Variants in CNGB1 observed in about 807,000 individuals in gnomAD.
CNGB1 encodes cyclic nucleotide-gated channel beta-1.
In CNGB1, 126 loss-of-function variants were observed where a neutral mutation model predicts 151.7. That is an observed-to-expected ratio of 0.83 (90% CI 0.72 to 0.96). CNGB1 has a LOEUF of 0.96. Ranked by LOEUF, CNGB1 falls within the 40% of genes least tolerant of loss-of-function variation. CNGB1 has a pLI of 0.00. For missense variants in CNGB1, 1,698 were observed against 1,627.0 expected (o/e 1.04, Z -0.75); for synonymous variants, 623 against 635.1 (o/e 0.98, Z 0.29).
chr16:57,946,779 G>GCCTCACACCCTCTGGCCCTGGC (rs1961820988), intron 14 of CNGB1, among the ~76,000 whole-genome samples: 1 of 152,310 alleles, frequency 6.6e-6, no homozygotes, highest in African/African-American at 2.4e-5. Flanking sequence ...CTTGCCCTGG[G>GCCTCACACCCTCTGGCCCTGGC]CCTCACACCC....
Position 57,917,476 on chromosome 16 carries a change from T to A in CNGB1, c.1958A>T (p.Asn653Ile), listed in dbSNP as rs1307070723. 1 of 1,613,760 alleles carries A rather than the reference T, an allele frequency of 6.2e-7. No individual in the cohort carries two copies. The highest frequency in any genetic ancestry group is 1.3e-5 in the African/African-American group (1 of 74,852). The change falls in exon 21 of 33, where the codon AAC becomes ATC. Residue 653 changes from asparagine (N) to isoleucine (I), a missense_variant and splice_region_variant. Transcript: ENST00000251102. The stretch of plus-strand genomic sequence containing the variant: ...GAACAGCCATAGGACATACATCAGG[T>A]CTGTGGGGAAGGTTGACGGGGACGC... ...QFPQSIDPLT[N>I]LMYVLWLFFV... is the part of the protein sequence containing the mutation.
chr16:57,915,286 C>T lies in CNGB1; in HGVS notation c.2267G>A (p.Gly756Asp). The T allele has an allele frequency of 6.8e-6, 11 of 1,613,996 alleles. No homozygotes were observed. Among genetic ancestry groups the T allele is most frequent in the Non-Finnish European group, 9.3e-6 (11 of 1,179,938 alleles). The change falls in exon 23 of 33, where the codon GGT becomes GAT. Residue 756 changes from glycine (G) to aspartate (D), a missense_variant. Transcript: ENST00000251102. ...GGGCAGGCGGAGGAGGGGGTTCACA[C>T]CGACTTTCAAATAGAGAAAATCCAA... ...LPLDFLYLKV[G>D]VNPLLRLPRC...
In CNGB1 at chr16:57,953,872, AAAAG is replaced by A. The variant is rs577125471; in HGVS notation, c.875-3336_875-3333del. 3.5e-3 allele frequency among the ~76,000 whole-genome samples: 527 copies of A among 151,742 alleles called. 3 individuals carry two copies. Among genetic ancestry groups the A allele is most frequent in the Admixed American group, 5.1e-3 (78 of 15,272 alleles). On this transcript the variant is annotated intron_variant, in intron 12 of 32. Transcript: ENST00000251102. Reference sequence around the variant, plus strand: ...TAACCATTGCTTGGTCATCAAAGAAAAAAGAAAGAAAGAAAGAAAAAAAAAACAA... The same window carrying A: ...TAACCATTGCTTGGTCATCAAAGAAAAAAGAAAGAAAGAAAAAAAAAACAA...
At chr16:57,945,974 G>A (rs1961797815) in intron 14 of CNGB1, among the ~76,000 whole-genome samples, 1 of 152,218 alleles carries the variant, frequency 6.6e-6, no homozygotes, top group Admixed American at 6.5e-5. Flanking sequence ...TGGTGGCGCT[G>A]TCAGCATCAC....
At chr16:57,938,465 G>T (rs1961571044) in intron 16 of CNGB1, among the ~76,000 whole-genome samples, 1 of 152,136 alleles carries the variant, frequency 6.6e-6, no homozygotes, top group African/African-American at 2.4e-5. Context: ...GCCACAGTTT[G>T]GGGTGCCTTG....
intron 11 of CNGB1, among the ~76,000 whole-genome samples, chr16:57,957,895 G>T (rs907747408): frequency 2.6e-5 from 4 of 152,278 alleles, no homozygotes; most frequent in Middle Eastern, 3.4e-3. Flanking sequence ...AGTTCCAGGT[G>T]CTTCTATAAA....
chr16:57,952,442 A>G (rs1289909494), intron 12 of CNGB1, among the ~76,000 whole-genome samples: 2 of 147,666 alleles, frequency 1.4e-5, no homozygotes, highest in Non-Finnish European at 3.0e-5. Flanking sequence ...CTTTCCATTA[A>G]CATTTTCTTT....
In CNGB1 at chr16:57,883,197, G is replaced by T. The variant is rs796880965; in HGVS notation, c.*967C>A. 1 of 152,378 alleles carries T rather than the reference G, an allele frequency of 6.6e-6. No individual in the cohort carries two copies. The highest frequency in any genetic ancestry group is 1.9e-4 in the East Asian group (1 of 5,186). The allele number at this position is 152,378 out of a possible 1,614,324, so 9.4% of individuals were successfully genotyped here. On this transcript the variant is annotated 3_prime_UTR_variant, in exon 33 of 33. Transcript: ENST00000251102. ...CTGTGATTGCCCGCAAAGGAAAACCGCGTCCCAAGCTCAGCTCAGAACCAT... is the reference window on the plus strand; with the variant it reads ...CTGTGATTGCCCGCAAAGGAAAACCTCGTCCCAAGCTCAGCTCAGAACCAT...
Position 57,904,950 on chromosome 16 carries a change from G to A in CNGB1, c.2493-75C>T, listed in dbSNP as rs1044803209. 7.6e-5 allele frequency: 119 copies of A among 1,567,390 alleles called. No homozygotes were observed. The Admixed American group carries it at 9.2e-4, about 12-fold the overall frequency. Reference sequence around the variant, plus strand: ...CCGCCCCGAGCAGTCTGGCTCAGACGCCTCTGATAGATGCATGTTGTGCAA... The same window carrying A: ...CCGCCCCGAGCAGTCTGGCTCAGACACCTCTGATAGATGCATGTTGTGCAA... On this transcript the variant is annotated intron_variant, in intron 25 of 32. Coordinates refer to ENST00000251102, the MANE Select transcript of CNGB1 (RefSeq NM_001297.5).
In CNGB1 at chr16:57,962,870, G is replaced by A. The variant is rs1962293467; in HGVS notation, c.384C>T (p.Ile128=). The A allele has an allele frequency of 7.4e-6, 12 of 1,612,682 alleles. No individual in the cohort carries two copies. The highest frequency in any genetic ancestry group is 1.0e-5 in the Non-Finnish European group (12 of 1,180,006). ...TGTCCCCAGTGCTGCCATGCCCCAG[G>A]ATCTGCCAGGGACAGACAGACAGAC... ...VHSITEDPAQ[I]LGHGSTGDTG... The change falls in exon 6 of 33, where the codon ATC becomes ATT. Residue 128 remains isoleucine (I), a splice_region_variant and synonymous_variant. Transcript: ENST00000251102.
At chr16:57,908,106 G>T (rs1255102184) in intron 25 of CNGB1, among the ~76,000 whole-genome samples, 2 of 152,180 alleles carry the variant, frequency 1.3e-5, no homozygotes, top group African/African-American at 2.4e-5. Context: ...GCCTAGGCTG[G>T]TCTCGAACTT....
chr16:57,936,045 G>C (rs1216043152), intron 16 of CNGB1, among the ~76,000 whole-genome samples: 1 of 152,178 alleles, frequency 6.6e-6, no homozygotes, highest in Non-Finnish European at 1.5e-5. Context: ...CCAATCAAAA[G>C]GGCAAGCAGG....
At chr16:57,934,628 T>C (rs569300330) in intron 16 of CNGB1, among the ~76,000 whole-genome samples, 52 of 152,038 alleles carry the variant, frequency 3.4e-4, no homozygotes, top group Non-Finnish European at 5.9e-4. Flanking sequence ...TGATCTCAGA[T>C]GGTACAGACA....
intron 11 of CNGB1, 132 bp downstream of exon 11, chr16:57,958,278 G>T (rs551966198): frequency 6.5e-6 from 5 of 773,812 alleles, no homozygotes; most frequent in Non-Finnish European, 9.1e-6. Context: ...TGGAATGAAC[G>T]TGGGCCATGC....
At chr16:57,960,386 T>C in intron 9 of CNGB1, 96 bp downstream of exon 9, 2 of 1,476,646 alleles carry the variant, frequency 1.4e-6, no homozygotes, top group South Asian at 2.4e-5. Flanking sequence ...GGGTGGGGGC[T>C]AAGGGCCTCT....
intron 2 of CNGB1, among the ~76,000 whole-genome samples, chr16:57,965,319 A>G (rs549385325): frequency 6.6e-6 from 1 of 152,330 alleles, no homozygotes; most frequent in African/African-American, 2.4e-5. Context: ...GTACATATGC[A>G]TGCATGCCCC....
At chr16:57,925,872 G>C (rs1400890456) in intron 17 of CNGB1, among the ~76,000 whole-genome samples, 1 of 152,046 alleles carries the variant, frequency 6.6e-6, no homozygotes, top group Non-Finnish European at 1.5e-5. Context: ...ATTTTTAGTA[G>C]AGACAGGGTT....
intron 32 of CNGB1, among the ~76,000 whole-genome samples, chr16:57,885,058 G>A (rs960424074): frequency 2.0e-5 from 3 of 152,192 alleles, no homozygotes; most frequent in Non-Finnish European, 2.9e-5. Flanking sequence ...CCTCCAGCCT[G>A]TGCTGCCTCC....
chr16:57,927,595 C>T (rs1001867574), intron 17 of CNGB1, among the ~76,000 whole-genome samples: 8 of 152,224 alleles, frequency 5.3e-5, no homozygotes, highest in Admixed American at 4.6e-4. Context: ...CAGGGCAGAG[C>T]CCAGCACATA....
Sources: gnomAD v4.1 joint callset for allele counts (sites outside exome capture counted in the v4.1 genomes callset) on GRCh38, gnomAD v4.1.1 for gene constraint, MANE v1.5 for transcripts, NCBI Gene and HGNC (gene_info 2026-07-23, HGNC 2026-07-21) for gene names.